Variants in RASEF observed in about 807,000 individuals in gnomAD.
The protein encoded by RASEF is RAS and EF-hand domain containing.
In RASEF, 68 loss-of-function variants were observed where a neutral mutation model predicts 90.1. The ratio of observed to expected loss-of-function variants is 0.75; its 90% CI spans 0.62 to 0.92. RASEF has a LOEUF of 0.92. Ranked by LOEUF, RASEF falls within the 40% of genes least tolerant of loss-of-function variation. RASEF has a pLI of 0.00. For synonymous variants in RASEF, 331 were observed against 345.2 expected, an observed-to-expected ratio of 0.96 and a Z score of 0.46; for missense variants, 949 against 937.2, an observed-to-expected ratio of 1.01 and a Z score of -0.16.
At chr9:83,204,345 T>C in the RASEF span, among the ~76,000 whole-genome samples, 1 of 152,032 alleles carries the variant, frequency 6.6e-6, no homozygotes, top group Non-Finnish European at 1.5e-5. Flanking sequence ...TGTGAAACAT[T>C]CAAATGGGTA....
chr9:83,084,160 G>T, the RASEF span, among the ~76,000 whole-genome samples: 3 of 152,118 alleles, frequency 2.0e-5, no homozygotes, highest in African/African-American at 7.2e-5. Flanking sequence ...TAAGTCTACT[G>T]TAATAGTGCC....
At chr9:83,139,218 G>C in the RASEF span, among the ~76,000 whole-genome samples, 3 of 152,132 alleles carry the variant, frequency 2.0e-5, no homozygotes, top group African/African-American at 7.2e-5. Flanking sequence ...ATTCATGTTT[G>C]AGAAGCACTG....
intron 1 of RASEF, among the ~76,000 whole-genome samples, chr9:83,027,202 T>C (rs1489900148): frequency 6.6e-6 from 1 of 152,212 alleles, no homozygotes; most frequent in Non-Finnish European, 1.5e-5. Flanking sequence ...AGTATGTTCA[T>C]CAACCCAGCA....
chr9:83,071,528 C>CTT, the RASEF span, among the ~76,000 whole-genome samples: 2 of 152,162 alleles, frequency 1.3e-5, no homozygotes, highest in Non-Finnish European at 2.9e-5. Context: ...ACCTCAGCCT[C>CTT]TTGAGTAGCT....
chr9:83,101,094 C>T, the RASEF span, among the ~76,000 whole-genome samples: 873 of 152,272 alleles, frequency 5.7e-3, 16 homozygotes, highest in African/African-American at 0.02. Flanking sequence ...ATTCTGTCCC[C>T]CTTTAAATGT....
chr9:83,008,858 G>T (rs1829178712), intron 6 of RASEF, among the ~76,000 whole-genome samples: 3 of 111,790 alleles, frequency 2.7e-5, no homozygotes, highest in South Asian at 3.0e-4. Flanking sequence ...TAATCTTTTT[G>T]CTTTTTTTCC....
intron 1 of RASEF, among the ~76,000 whole-genome samples, chr9:83,057,873 TC>T (rs1830129749): frequency 1.4e-5 from 2 of 142,496 alleles, no homozygotes; most frequent in African/African-American, 2.5e-5. Context: ...ATATATATAT[TC>T]GTCTTTAAAT....
At chr9:83,185,777 T>C in the RASEF span, among the ~76,000 whole-genome samples, 2 of 152,046 alleles carry the variant, frequency 1.3e-5, no homozygotes, top group African/African-American at 4.8e-5. Flanking sequence ...AGGGACATAA[T>C]CTCAGGTGCC....
Position 83,009,828 on chromosome 9 carries a change from C to G in RASEF, c.844-72G>C, listed in dbSNP as rs567277184. On this transcript the variant is annotated intron_variant, in intron 5 of 16. Transcript: ENST00000376447. ...GCCTGGGAGAAATGAAGTAAAGTGT[C>G]CTGTCACCCTCCCACACCACTCTCA... 3.8e-4 allele frequency: 325 copies of G among 860,358 alleles called. 2 individuals carry two copies. The highest frequency in any genetic ancestry group is 2.9e-3 in the South Asian group (204 of 71,324). 53.3% of individuals were successfully genotyped at this position (860,358 alleles called of 1,614,324 possible). A position where few individuals can be genotyped will look rare whatever the true frequency, so the allele number is the denominator to read the frequency against.
At chr9:83,168,937 T>C in the RASEF span, among the ~76,000 whole-genome samples, 1 of 152,078 alleles carries the variant, frequency 6.6e-6, no homozygotes, top group Non-Finnish European at 1.5e-5. Flanking sequence ...ATTTTATTCC[T>C]TCTATCTGCC....
At chr9:83,164,609 C>T in the RASEF span, among the ~76,000 whole-genome samples, 364 of 144,732 alleles carry the variant, frequency 2.5e-3, 1 homozygote, top group Non-Finnish European at 3.7e-3. Context: ...TTAGAACCAC[C>T]AAGGAAAAAA....
At chr9:83,164,377 G>A in the RASEF span, among the ~76,000 whole-genome samples, 579 of 123,236 alleles carry the variant, frequency 4.7e-3, 6 homozygotes, top group Admixed American at 0.029. Flanking sequence ...ATATATATGT[G>A]TGTGTGTGTG....
chr9:83,192,744 C>T, the RASEF span, among the ~76,000 whole-genome samples: 1 of 150,180 alleles, frequency 6.7e-6, no homozygotes. Flanking sequence ...TAAAATGCTA[C>T]CTTCACCAGA....
the RASEF span, among the ~76,000 whole-genome samples, chr9:83,087,923 A>G: frequency 6.6e-6 from 1 of 152,100 alleles, no homozygotes; most frequent in East Asian, 1.9e-4. Flanking sequence ...ACTGCATACC[A>G]TAAGGTTTGG....
At chr9:83,144,769 T>G in the RASEF span, among the ~76,000 whole-genome samples, 1 of 152,168 alleles carries the variant, frequency 6.6e-6, no homozygotes, top group Non-Finnish European at 1.5e-5. Context: ...CCTACAGTAT[T>G]CAGCATGGAA....
the RASEF span, among the ~76,000 whole-genome samples, chr9:83,147,010 A>G: frequency 1.3e-4 from 18 of 143,668 alleles, no homozygotes; most frequent in Non-Finnish European, 7.6e-5. Flanking sequence ...GCGTGTGTAT[A>G]TGTGTGTGTG....
At position 83,013,409 on chromosome 9, in the gene RASEF, G is replaced by A. The variant is rs372736623; in HGVS notation, c.766-898C>T. Reference sequence around the variant, plus strand: ...AAAGGGATAGTGTTTACATAACAACGTCATGACTGCCACGAGGCTGACTCT... The same window carrying A: ...AAAGGGATAGTGTTTACATAACAACATCATGACTGCCACGAGGCTGACTCT... On this transcript the variant is annotated intron_variant, in intron 4 of 16. Transcript: ENST00000376447. Among the ~76,000 whole-genome samples, 28 of 152,230 alleles carry A rather than the reference G, an allele frequency of 1.8e-4. No homozygotes were observed. In the South Asian group the frequency reaches 1.9e-3, roughly 10 times the overall value.
chr9:83,167,303 A>G, the RASEF span, among the ~76,000 whole-genome samples: 2 of 151,206 alleles, frequency 1.3e-5, no homozygotes, highest in South Asian at 4.2e-4. Flanking sequence ...GGAGACTGGC[A>G]TTTCCTGCCT....
At chr9:83,001,476 T>C (rs1308856340) in intron 9 of RASEF, among the ~76,000 whole-genome samples, 8 of 152,196 alleles carry the variant, frequency 5.3e-5, no homozygotes, top group Admixed American at 5.2e-4. Flanking sequence ...ATATATGAGC[T>C]TTTTTACTCT....
Sources: gnomAD v4.1 joint callset for allele counts (sites outside exome capture counted in the v4.1 genomes callset) on GRCh38, gnomAD v4.1.1 for gene constraint, MANE v1.5 for transcripts, NCBI Gene and HGNC (gene_info 2026-07-23, HGNC 2026-07-21) for gene names.